The following NCKAP5 variants were observed in gnomAD, a reference collection of about 807,000 sequenced individuals.
The protein encoded by NCKAP5 is nck-associated protein 5.
In NCKAP5, 92 loss-of-function variants were observed where a neutral mutation model predicts 167.0. The observed-to-expected ratio is 0.55, with a 90% CI of 0.47 to 0.66. The LOEUF is 0.66. NCKAP5 is among the 30% of genes least tolerant of loss of function. The probability of loss-of-function intolerance (pLI) is 0.00; values close to 1 mark genes in which losing one functional copy is unlikely to be tolerated. For synonymous variants in NCKAP5, 891 were observed against 877.4 expected (o/e 1.02, Z -0.27); for missense variants, 2,378 against 2,315.0 (o/e 1.03, Z -0.56).
In NCKAP5 at chr2:133,267,312, T is replaced by C. The variant is rs140406334; in HGVS notation, c.143+35725A>G. The stretch of plus-strand genomic sequence containing the variant: ...TCACGCCCCCACCCCCAGCCTCAGC[T>C]CTGTCTGGGTGGAACGAATGTCTGC... On this transcript the variant is annotated intron_variant, in intron 4 of 19. Transcript: ENST00000409261. 915 of 152,090 alleles carry C rather than the reference T, an allele frequency of 6.0e-3. 7 individuals are homozygous for C. Among genetic ancestry groups the C allele is most frequent in the Non-Finnish European group, 0.01 (706 of 68,012 alleles). 9.4% of individuals were successfully genotyped at this position (152,090 alleles called of 1,614,324 possible).
At chr2:133,475,854 G>C (rs1402450851) in intron 3 of NCKAP5, among the ~76,000 whole-genome samples, 1 of 152,172 alleles carries the variant, frequency 6.6e-6, no homozygotes, top group African/African-American at 2.4e-5. Context: ...CTCCAGGTAA[G>C]CTTTCACATA....
At chr2:133,340,329 G>T (rs973947300) in intron 3 of NCKAP5, among the ~76,000 whole-genome samples, 4 of 152,148 alleles carry the variant, frequency 2.6e-5, no homozygotes, top group Non-Finnish European at 5.9e-5. Context: ...TCATCTTCAA[G>T]AATGTGCAGA....
chr2:132,811,708 A>G (rs1376286781), intron 11 of NCKAP5, among the ~76,000 whole-genome samples: 1 of 152,100 alleles, frequency 6.6e-6, no homozygotes, highest in African/African-American at 2.4e-5. Context: ...CCCAGCTGAG[A>G]AAGAAAAAAG....
intron 6 of NCKAP5, among the ~76,000 whole-genome samples, chr2:133,047,025 T>C (rs1376530879): frequency 6.6e-6 from 1 of 152,162 alleles, no homozygotes; most frequent in Non-Finnish European, 1.5e-5. Context: ...TTGCCCTTGT[T>C]TCCTTCTTTG....
At chr2:132,692,687 T>C (rs1686881519) in intron 19 of NCKAP5, among the ~76,000 whole-genome samples, 1 of 152,180 alleles carries the variant, frequency 6.6e-6, no homozygotes, top group Non-Finnish European at 1.5e-5. Flanking sequence ...CTTATTAAAA[T>C]AAAAACGAAG....
At chr2:133,369,019 T>C (rs554964665) in intron 3 of NCKAP5, among the ~76,000 whole-genome samples, 2 of 152,234 alleles carry the variant, frequency 1.3e-5, no homozygotes, top group South Asian at 2.1e-4. Flanking sequence ...ATGGTAGAAA[T>C]AGTTCTCTGC....
chr2:132,839,504 T>C (rs1460727513), intron 11 of NCKAP5, among the ~76,000 whole-genome samples: 3 of 152,182 alleles, frequency 2.0e-5, no homozygotes, highest in Non-Finnish European at 2.9e-5. Flanking sequence ...CTCATGCCTG[T>C]AATCCCAACA....
intron 5 of NCKAP5, among the ~76,000 whole-genome samples, chr2:133,204,358 C>A (rs1473747442): frequency 6.6e-6 from 1 of 152,118 alleles, no homozygotes; most frequent in Non-Finnish European, 1.5e-5. Context: ...AATAAATGGA[C>A]ATAACTGAAG....
chr2:133,472,882 T>A (rs1023020848), intron 3 of NCKAP5, among the ~76,000 whole-genome samples: 1 of 152,106 alleles, frequency 6.6e-6, no homozygotes, highest in East Asian at 1.9e-4. Flanking sequence ...GAAATCTCTT[T>A]ACATGTTGGA....
intron 3 of NCKAP5, among the ~76,000 whole-genome samples, chr2:133,377,149 T>C (rs969067950): frequency 8.5e-5 from 13 of 152,238 alleles, no homozygotes; most frequent in Admixed American, 5.2e-4. Flanking sequence ...GACTCTCTCA[T>C]TCATTTGTAG....
In NCKAP5 at chr2:133,431,267, GT is replaced by G. The variant is rs757825751; in HGVS notation, c.69+86190del. Among the ~76,000 whole-genome samples, 72 of 152,166 alleles carry G rather than the reference GT, an allele frequency of 4.7e-4. 1 individual carries two copies. The highest frequency in any genetic ancestry group is 5.3e-4 in the Non-Finnish European group (36 of 67,996). ...CCACAGAATGCTGCTTTCCTGCCAG[GT>G]TGGTCAGTCATACTCTCCATGTTTT... On this transcript the variant is annotated intron_variant, in intron 3 of 19. Coordinates refer to ENST00000409261, the MANE Select transcript of NCKAP5 (RefSeq NM_207363.3).
chr2:133,013,316 G>C (rs1264863709), intron 6 of NCKAP5, among the ~76,000 whole-genome samples: 1 of 152,216 alleles, frequency 6.6e-6, no homozygotes, highest in Admixed American at 6.5e-5. Flanking sequence ...CTTTGGTAGT[G>C]TATTAGTCCG....
At chr2:132,940,215 T>C (rs1697190251) in intron 8 of NCKAP5, among the ~76,000 whole-genome samples, 1 of 152,196 alleles carries the variant, frequency 6.6e-6, no homozygotes, top group Non-Finnish European at 1.5e-5. Context: ...GCAAAAGACA[T>C]TATTTTGTTC....
At chr2:133,350,536 T>G (rs973838480) in intron 3 of NCKAP5, among the ~76,000 whole-genome samples, 5 of 152,212 alleles carry the variant, frequency 3.3e-5, no homozygotes, top group African/African-American at 1.2e-4. Flanking sequence ...AAATCCTTAA[T>G]CTGGTCCACA....
chr2:132,961,899 T>C (rs2076522465), intron 8 of NCKAP5, among the ~76,000 whole-genome samples: 8 of 152,194 alleles, frequency 5.3e-5, no homozygotes, highest in Admixed American at 5.2e-4. Context: ...AACCTCAAGA[T>C]AAAGTTATGA....
chr2:132,923,862 G>T (rs1213280162), intron 8 of NCKAP5, among the ~76,000 whole-genome samples: 1 of 152,132 alleles, frequency 6.6e-6, no homozygotes, highest in African/African-American at 2.4e-5. Context: ...TTCCAATGTT[G>T]AAAAAGCACC....
the NCKAP5 span, among the ~76,000 whole-genome samples, chr2:133,591,464 G>T: frequency 0.34 from 51,780 of 152,086 alleles, 10,111 homozygotes; most frequent in Middle Eastern, 0.53. Flanking sequence ...GTGTTTCCAG[G>T]AAGGAGGGGG....
chr2:133,348,944 A>G (rs1684163776), intron 3 of NCKAP5, among the ~76,000 whole-genome samples: 1 of 152,238 alleles, frequency 6.6e-6, no homozygotes, highest in East Asian at 1.9e-4. Context: ...GAGGTCTTCC[A>G]ATACTGGTGT....
chr2:133,265,230 A>G (rs1224904134), intron 4 of NCKAP5: 1 of 152,300 alleles, frequency 6.6e-6, no homozygotes. Context: ...GGTAGCGTCC[A>G]GCAACACGGG....
Sources: gnomAD v4.1 joint callset for allele counts (sites outside exome capture counted in the v4.1 genomes callset) on GRCh38, gnomAD v4.1.1 for gene constraint, MANE v1.5 for transcripts, NCBI Gene and HGNC (gene_info 2026-07-23, HGNC 2026-07-21) for gene names.